PDE4B: variants seen among roughly 807,000 people sequenced by gnomAD.
PDE4B encodes phosphodiesterase 4B.
A neutral mutation model predicts 82.2 loss-of-function variants in PDE4B; 20 were observed. The ratio of observed to expected loss-of-function variants is 0.24; its 90% CI spans 0.17 to 0.35. The LOEUF (loss-of-function observed/expected upper bound fraction) is 0.35, where lower values mean the gene tolerates loss of function less well. Ranked by LOEUF, PDE4B falls within the 10% of genes least tolerant of loss-of-function variation. The pLI, the probability that PDE4B is intolerant of heterozygous loss-of-function variation, is 1.00. For missense variants in PDE4B, 655 were observed against 907.2 expected, an observed-to-expected ratio of 0.72 and a Z score of 3.57; for synonymous variants, 320 against 318.9, an observed-to-expected ratio of 1.00 and a Z score of -0.04.
At chr1:66,247,783 G>A in intron 4 of PDE4B, 129 bp downstream of exon 4, 1 of 644,922 alleles carries the variant, frequency 1.6e-6, no homozygotes, top group Non-Finnish European at 2.5e-6. Context: ...TATGAGCAGG[G>A]GTGACGTGAT....
chr1:66,068,451 T>C (rs1349208188), intron 3 of PDE4B, among the ~76,000 whole-genome samples: 2 of 151,934 alleles, frequency 1.3e-5, no homozygotes, highest in Non-Finnish European at 2.9e-5. Flanking sequence ...AAAATCAAAA[T>C]GCAGTGAACC....
intron 3 of PDE4B, among the ~76,000 whole-genome samples, chr1:65,941,198 G>A (rs1648427107): frequency 6.6e-6 from 1 of 151,964 alleles, no homozygotes; most frequent in Admixed American, 6.6e-5. Flanking sequence ...GTCTTGCCAA[G>A]GAGTGCAGAG....
intron 3 of PDE4B, among the ~76,000 whole-genome samples, chr1:66,150,409 C>A (rs139883677): frequency 7.2e-4 from 109 of 152,290 alleles, no homozygotes; most frequent in African/African-American, 2.5e-3. Context: ...TTACTGAAGT[C>A]ATTTATTAGC....
chr1:66,081,828 C>CTG (rs1656751013), intron 3 of PDE4B, among the ~76,000 whole-genome samples: 5 of 113,168 alleles, frequency 4.4e-5, no homozygotes, highest in African/African-American at 1.6e-4. Context: ...CTCTCTCTCT[C>CTG]TCTCTGTGTG....
At chr1:66,220,898 A>C (rs1159558391) in intron 3 of PDE4B, among the ~76,000 whole-genome samples, 1 of 152,166 alleles carries the variant, frequency 6.6e-6, no homozygotes, top group Non-Finnish European at 1.5e-5. Context: ...AGACTTGGCT[A>C]TTTCTGTCTA....
chr1:65,838,668 C>A (rs1317219990), intron 1 of PDE4B, among the ~76,000 whole-genome samples: 1 of 149,476 alleles, frequency 6.7e-6, no homozygotes, highest in Non-Finnish European at 1.5e-5. Flanking sequence ...TTTTTTTCCT[C>A]CCATTTCTTT....
intron 3 of PDE4B, among the ~76,000 whole-genome samples, chr1:66,068,974 A>G (rs746390832): frequency 1.3e-5 from 2 of 152,052 alleles, no homozygotes; most frequent in Non-Finnish European, 2.9e-5. Context: ...AAAGTCCTGA[A>G]TTAGAAGAAT....
At chr1:66,290,203 G>A (rs1229988577) in intron 7 of PDE4B, among the ~76,000 whole-genome samples, 1 of 152,134 alleles carries the variant, frequency 6.6e-6, no homozygotes, top group Non-Finnish European at 1.5e-5. Context: ...AAGGGGTGAA[G>A]GGCAGTGGGA....
rs569817762 is a variant in PDE4B at position 66,065,714 on chromosome 1, T to A, written c.281+146879T>A. ...AGAAGGAATCAGAGAAGGGCTAGCT[T>A]GCCTGATCACCTAGCTAGTTAGTAG... On this transcript the variant is annotated intron_variant, in intron 3 of 16. Coordinates refer to ENST00000341517, the MANE Select transcript of PDE4B (RefSeq NM_002600.4). Among the ~76,000 whole-genome samples, 286 of 151,918 alleles carry A rather than the reference T, an allele frequency of 1.9e-3. 1 individual carries two copies. The highest frequency in any genetic ancestry group is 6.6e-3 in the African/African-American group (275 of 41,524).
intron 1 of PDE4B, among the ~76,000 whole-genome samples, chr1:65,819,457 T>C (rs1645925083): frequency 6.6e-6 from 1 of 152,060 alleles, no homozygotes; most frequent in Admixed American, 6.6e-5. Flanking sequence ...GTCTCAGATA[T>C]TTACGAATAT....
chr1:66,330,653 CT>C (rs1011609743), intron 7 of PDE4B: 1 of 425,968 alleles, frequency 2.3e-6, no homozygotes, highest in Non-Finnish European at 3.1e-6. Context: ...GGACTTTTTC[CT>C]TTATTAGAGG....
intron 7 of PDE4B, among the ~76,000 whole-genome samples, chr1:66,324,290 G>C (rs952905046): frequency 4.6e-5 from 7 of 151,996 alleles, no homozygotes; most frequent in Admixed American, 4.6e-4. Context: ...TAATTAAAAT[G>C]TCTCCTTCAT....
At chr1:66,018,646 T>G (rs1652913864) in intron 3 of PDE4B, among the ~76,000 whole-genome samples, 1 of 152,222 alleles carries the variant, frequency 6.6e-6, no homozygotes. Context: ...GCTTAAATGA[T>G]TCTTCAAATA....
At chr1:66,237,856 G>T (rs572273059) in intron 3 of PDE4B, among the ~76,000 whole-genome samples, 1 of 152,278 alleles carries the variant, frequency 6.6e-6, no homozygotes, top group South Asian at 2.1e-4. Flanking sequence ...TTCATAACCT[G>T]CAGTATGTCC....
At chr1:66,218,613 C>G (rs115670931) in intron 3 of PDE4B, among the ~76,000 whole-genome samples, 1,781 of 152,154 alleles carry the variant, frequency 0.012, 31 homozygotes, top group African/African-American at 0.041. Context: ...CCAGCCACCC[C>G]CAGCCCAGAA....
chr1:66,021,027 A>G (rs1014292115), intron 3 of PDE4B, among the ~76,000 whole-genome samples: 1 of 152,154 alleles, frequency 6.6e-6, no homozygotes, highest in African/African-American at 2.4e-5. Context: ...GTGAGATGGT[A>G]TCTCATTGTG....
chr1:66,256,836 C>A (rs1008955245), intron 4 of PDE4B, among the ~76,000 whole-genome samples: 6 of 152,230 alleles, frequency 3.9e-5, no homozygotes, highest in Admixed American at 6.5e-5. Flanking sequence ...ATGATTCACA[C>A]TGTAATAGCA....
At chr1:65,806,102 C>T (rs1424763050) in intron 1 of PDE4B, among the ~76,000 whole-genome samples, 1 of 151,988 alleles carries the variant, frequency 6.6e-6, no homozygotes, top group African/African-American at 2.4e-5. Context: ...CACCTTTAAT[C>T]GATGGTGTCT....
chr1:66,010,000 A>G (rs1471800433), intron 3 of PDE4B, among the ~76,000 whole-genome samples: 2 of 151,644 alleles, frequency 1.3e-5, no homozygotes, highest in Non-Finnish European at 2.9e-5. Context: ...TTCTCTCTCC[A>G]ATTAGAATAT....
Sources: gnomAD v4.1 joint callset for allele counts (sites outside exome capture counted in the v4.1 genomes callset) on GRCh38, gnomAD v4.1.1 for gene constraint, MANE v1.5 for transcripts, NCBI Gene and HGNC (gene_info 2026-07-23, HGNC 2026-07-21) for gene names.